Variants in STXBP4 observed in about 807,000 individuals in gnomAD.
STXBP4 encodes syntaxin binding protein 4, also known as syntaxin-binding protein 4.
In STXBP4, 55 loss-of-function variants were observed where a neutral mutation model predicts 76.1. The observed-to-expected ratio is 0.72, with a 90% CI of 0.58 to 0.91. The LOEUF is 0.91. Among genes scored for constraint, STXBP4 ranks in the 40% least tolerant of loss-of-function variants. The probability of loss-of-function intolerance (pLI) is 0.00; values close to 1 mark genes in which losing one functional copy is unlikely to be tolerated. For synonymous variants in STXBP4, 201 were observed against 220.2 expected (o/e 0.91, Z 0.77); for missense variants, 618 against 636.9 (o/e 0.97, Z 0.32).
At chr17:55,154,449 T>C (rs1481898088) in intron 17 of STXBP4, among the ~76,000 whole-genome samples, 1 of 152,208 alleles carries the variant, frequency 6.6e-6, no homozygotes, top group Non-Finnish European at 1.5e-5. Context: ...ATACCAACTA[T>C]ACAATCCTAT....
At chr17:55,152,257 A>G (rs2145177900) in intron 17 of STXBP4, among the ~76,000 whole-genome samples, 1 of 152,292 alleles carries the variant, frequency 6.6e-6, no homozygotes, top group African/African-American at 2.4e-5. Flanking sequence ...AAAGATGAGT[A>G]GGACACTTCC....
rs1186025973 is a variant in STXBP4, at chr17:55,007,551, T to G, written c.620T>G (p.Ile207Ser). 1.9e-6 allele frequency: 3 copies of G among 1,608,738 alleles called. No individual in the cohort carries two copies. Among genetic ancestry groups the G allele is most frequent in the Non-Finnish European group, 2.5e-6 (3 of 1,178,690 alleles). The change falls in exon 8 of 18, where the codon ATC becomes AGC. Residue 207 changes from isoleucine (I) to serine (S), a missense_variant. Transcript: ENST00000376352. Reference protein sequence around the residue: ...WTENYGLQEKISLNPSVRFKA... With the variant: ...WTENYGLQEKSSLNPSVRFKA... ...GAAAATTATGGGCTACAAGAAAAGA[T>G]CTCCCTAAATCCCTCTGTTCGCTTT...
intron 17 of STXBP4, among the ~76,000 whole-genome samples, 169 bp downstream of exon 17, chr17:55,141,536 C>G (rs2080094176): frequency 6.6e-6 from 1 of 152,026 alleles, no homozygotes; most frequent in Non-Finnish European, 1.5e-5. Flanking sequence ...ATGCTAATAT[C>G]AGATATCATT....
chr17:55,162,631 T>C lies in STXBP4; in HGVS notation c.*2720T>C, dbSNP rs1221110609. 6.6e-6 allele frequency: 1 copy of C among 151,690 alleles called. No individual in the cohort carries two copies. Among genetic ancestry groups the C allele is most frequent in the East Asian group, 1.9e-4 (1 of 5,192 alleles). 9.4% of individuals were successfully genotyped at this position (151,690 alleles called of 1,614,324 possible). A position where few individuals can be genotyped will look rare whatever the true frequency, so the allele number is the denominator to read the frequency against. The stretch of plus-strand genomic sequence containing the variant: ...CCAGGACTAAACAGCTGCTTCTTAA[T>C]TTTTGAATTTTAAAACTAATCTATT... On this transcript the variant is annotated 3_prime_UTR_variant, in exon 18 of 18. Coordinates refer to ENST00000376352, the MANE Select transcript of STXBP4 (RefSeq NM_178509.6).
At chr17:55,067,943 A>T (rs2079073852) in intron 12 of STXBP4, among the ~76,000 whole-genome samples, 1 of 152,156 alleles carries the variant, frequency 6.6e-6, no homozygotes. Context: ...AGCATATGTC[A>T]GAGGTCTGTT....
chr17:54,971,908 C>T (rs1166830475), intron 1 of STXBP4, among the ~76,000 whole-genome samples: 1 of 152,094 alleles, frequency 6.6e-6, no homozygotes. Context: ...CAGGCATGAG[C>T]CACCGCACCC....
In STXBP4 at chr17:55,160,778, TCTC is replaced by T. The variant is rs1391197254; in HGVS notation, c.*870_*872del. The T allele has an allele frequency of 1.3e-5, 2 of 152,222 alleles. No individual in the cohort carries two copies. Among genetic ancestry groups the T allele is most frequent in the Non-Finnish European group, 2.9e-5 (2 of 68,096 alleles). The allele number at this position is 152,222 out of a possible 1,614,324, so 9.4% of individuals were successfully genotyped here. ...GGCCCCTCTATAACCCCACTATTCT[TCTC>T]CTATAAACCCTTCCCCCTTCTCTGC... is the stretch of plus-strand genomic sequence containing the variant. On this transcript the variant is annotated 3_prime_UTR_variant, in exon 18 of 18. Transcript: ENST00000376352.
chr17:55,078,091 A>G lies in STXBP4; in HGVS notation c.1202A>G (p.Asp401Gly), dbSNP rs116791503. Reference sequence around the variant, plus strand: ...ATCTCTGTGCAGGAAAGTGTTCAGGATTTAAAAAAGAGAATCATGGTACTC... The same window carrying G: ...ATCTCTGTGCAGGAAAGTGTTCAGGGTTTAAAAAAGAGAATCATGGTACTC... ...YSDQNKESVQ[D>G]LKKRIMVLDC... is the part of the protein sequence containing the mutation. Residue 401 changes from aspartate (D) to glycine (G), a missense_variant, in exon 14 of 18, where the codon GAT becomes GGT. Asp to Gly is a moderately conservative substitution (Grantham distance 94). Coordinates refer to ENST00000376352, the MANE Select transcript of STXBP4 (RefSeq NM_178509.6). 6.2e-7 allele frequency: 1 copy of G among 1,609,412 alleles called. No individual in the cohort carries two copies. The highest frequency in any genetic ancestry group is 1.3e-5 in the African/African-American group (1 of 74,724).
intron 16 of STXBP4, among the ~76,000 whole-genome samples, chr17:55,127,931 A>G (rs367694193): frequency 6.6e-6 from 1 of 150,630 alleles, no homozygotes; most frequent in East Asian, 1.9e-4. Context: ...ATTTATATTC[A>G]AGGTCGGAAA....
chr17:54,995,817 CATT>C (rs1310346890), intron 4 of STXBP4, among the ~76,000 whole-genome samples: 1 of 152,128 alleles, frequency 6.6e-6, no homozygotes, highest in Non-Finnish European at 1.5e-5. Flanking sequence ...ATTCCTTTGC[CATT>C]ATTATTTTTG....
At chr17:55,183,765 G>C in the STXBP4 span, among the ~76,000 whole-genome samples, 3 of 152,070 alleles carry the variant, frequency 2.0e-5, no homozygotes, top group Non-Finnish European at 4.4e-5. Context: ...TATACTTGAA[G>C]GCCAAAATTG....
chr17:55,024,808 C>G (rs965526101), intron 8 of STXBP4, among the ~76,000 whole-genome samples: 4 of 152,128 alleles, frequency 2.6e-5, no homozygotes, highest in Non-Finnish European at 5.9e-5. Flanking sequence ...CAAGAGCCTC[C>G]TGCATCAGCC....
At chr17:55,174,649 C>T (rs2529518), downstream of STXBP4, among the ~76,000 whole-genome samples, 43,673 of 151,920 alleles carry the variant, frequency 0.29, 7,031 homozygotes, top group Non-Finnish European at 0.36. Flanking sequence ...CCATATTTCA[C>T]CTATATACCA....
intron 7 of STXBP4, among the ~76,000 whole-genome samples, chr17:55,006,252 A>T (rs1204489783): frequency 6.6e-6 from 1 of 152,166 alleles, no homozygotes; most frequent in Non-Finnish European, 1.5e-5. Context: ...TAGAATGTTA[A>T]GGATGTGTTA....
rs1212058516 is a variant in STXBP4 at position 55,171,212 on chromosome 17, TC to T, written c.*11302del. ...TTGGATATAGTGCCTGGTGCAGAAC[TC>T]TACCACAAAACATCAGGTGTGCCTC... On this transcript the variant is annotated 3_prime_UTR_variant, in exon 18 of 18. Coordinates refer to ENST00000376352, the MANE Select transcript of STXBP4 (RefSeq NM_178509.6). The T allele has an allele frequency of 6.6e-6, 1 of 152,248 alleles. No individual in the cohort carries two copies. The highest frequency in any genetic ancestry group is 1.5e-5 in the Non-Finnish European group (1 of 68,048). The allele number at this position is 152,248 out of a possible 1,614,324, so 9.4% of individuals were successfully genotyped here. A position where few individuals can be genotyped will look rare whatever the true frequency, so the allele number is the denominator to read the frequency against.
At chr17:55,136,888 A>G (rs902027607) in intron 16 of STXBP4, among the ~76,000 whole-genome samples, 5 of 152,158 alleles carry the variant, frequency 3.3e-5, no homozygotes, top group African/African-American at 1.2e-4. Flanking sequence ...TTAGGCATCC[A>G]AAATACTCTA....
intron 12 of STXBP4, among the ~76,000 whole-genome samples, chr17:55,060,054 A>T (rs1320641318): frequency 6.6e-6 from 1 of 152,126 alleles, no homozygotes; most frequent in Admixed American, 6.6e-5. Context: ...TTAAACAAAA[A>T]TAATTAAAAA....
chr17:55,078,436 T>C (rs1000100390), intron 14 of STXBP4, among the ~76,000 whole-genome samples: 3 of 152,186 alleles, frequency 2.0e-5, no homozygotes, highest in Non-Finnish European at 2.9e-5. Flanking sequence ...TTTTAATGAA[T>C]ACTTTACCAA....
intron 16 of STXBP4, among the ~76,000 whole-genome samples, chr17:55,127,915 A>G (rs1244419202): frequency 6.6e-6 from 1 of 152,066 alleles, no homozygotes; most frequent in African/African-American, 2.4e-5. Flanking sequence ...TTCATTATGT[A>G]TGTTCATTTA....
Sources: gnomAD v4.1 joint callset for allele counts (sites outside exome capture counted in the v4.1 genomes callset) on GRCh38, gnomAD v4.1.1 for gene constraint, MANE v1.5 for transcripts, NCBI Gene and HGNC (gene_info 2026-07-23, HGNC 2026-07-21) for gene names.